The following RANBP2 variants were observed in gnomAD, a reference collection of about 807,000 sequenced individuals.
The protein encoded by RANBP2 is E3 SUMO-protein ligase RanBP2.
In RANBP2, 57 loss-of-function variants were observed where a neutral mutation model predicts 303.6. The ratio of observed to expected loss-of-function variants is 0.19; its 90% CI spans 0.15 to 0.23. The LOEUF (loss-of-function observed/expected upper bound fraction) is 0.23, where lower values mean the gene tolerates loss of function less well. Among genes scored for constraint, RANBP2 ranks in the 10% least tolerant of loss-of-function variants. RANBP2 has a pLI of 1.00. For synonymous variants in RANBP2, 1,167 were observed against 1,301.5 expected, an observed-to-expected ratio of 0.90 and a Z score of 2.23; for missense variants, 3,138 against 3,780.8, an observed-to-expected ratio of 0.83 and a Z score of 4.46.
the RANBP2 span, among the ~76,000 whole-genome samples, chr2:109,493,952 C>T: frequency 6.7e-4 from 102 of 152,296 alleles, no homozygotes; most frequent in African/African-American, 2.3e-3. Context: ...GAGTCTCCTC[C>T]GCATCAGAAC....
chr2:109,735,872 T>C, the RANBP2 span, among the ~76,000 whole-genome samples: 1 of 152,158 alleles, frequency 6.6e-6, no homozygotes, highest in South Asian at 2.1e-4. Flanking sequence ...GCAATTCCGC[T>C]TCAGAGAAAT....
chr2:108,982,109 G>T, the RANBP2 span, among the ~76,000 whole-genome samples: 1 of 152,172 alleles, frequency 6.6e-6, no homozygotes, highest in African/African-American at 2.4e-5. Context: ...TCCTTTCAAT[G>T]CTTTAGGCCA....
At chr2:109,594,363 G>A in the RANBP2 span, among the ~76,000 whole-genome samples, 7 of 152,186 alleles carry the variant, frequency 4.6e-5, no homozygotes, top group South Asian at 8.3e-4. Context: ...CGCTCTTCCC[G>A]AGAGGCACCA....
the RANBP2 span, chr2:109,502,026 T>G: frequency 4.4e-6 from 1 of 225,716 alleles, no homozygotes; most frequent in African/African-American, 2.2e-5. Context: ...GGTTGGAGGT[T>G]GCAGGAGGTC....
chr2:109,290,705 G>A, the RANBP2 span, among the ~76,000 whole-genome samples: 4 of 152,188 alleles, frequency 2.6e-5, no homozygotes, highest in African/African-American at 9.7e-5. Context: ...CCTGACTGCT[G>A]CACCTGCCCA....
the RANBP2 span, among the ~76,000 whole-genome samples, chr2:109,280,171 A>G: frequency 1.3e-5 from 2 of 152,156 alleles, no homozygotes. Context: ...GCTGACATCT[A>G]TAATTAATGT....
the RANBP2 span, among the ~76,000 whole-genome samples, chr2:108,980,594 G>A: frequency 6.6e-6 from 1 of 152,124 alleles, no homozygotes; most frequent in East Asian, 1.9e-4. Context: ...ATGGATAAAG[G>A]TAAAACAGGA....
chr2:109,448,096 G>T, the RANBP2 span, among the ~76,000 whole-genome samples: 1 of 152,258 alleles, frequency 6.6e-6, no homozygotes, highest in East Asian at 1.9e-4. Flanking sequence ...GACATACCCA[G>T]TGTGGAAACC....
the RANBP2 span, among the ~76,000 whole-genome samples, chr2:109,143,232 CAA>C: frequency 6.6e-6 from 1 of 152,036 alleles, no homozygotes; most frequent in African/African-American, 2.4e-5. Context: ...CATTTGGAAA[CAA>C]ATTTAAATAA....
chr2:108,773,611 G>GATTCA (rs1677662596), intron 23 of RANBP2, among the ~76,000 whole-genome samples: 1 of 150,822 alleles, frequency 6.6e-6, no homozygotes, highest in Non-Finnish European at 1.5e-5. Context: ...TTGATCTATA[G>GATTCA]ATTTAACACA....
the RANBP2 span, among the ~76,000 whole-genome samples, chr2:108,980,823 G>C: frequency 6.6e-6 from 1 of 152,134 alleles, no homozygotes; most frequent in Non-Finnish European, 1.5e-5. Flanking sequence ...TGGCCAACCT[G>C]GCACCATACT....
the RANBP2 span, among the ~76,000 whole-genome samples, chr2:108,796,819 G>C: frequency 6.6e-6 from 1 of 152,170 alleles, no homozygotes. Context: ...CAGAGGCTGG[G>C]AGGGGAAGGG....
At chr2:108,916,449 G>A in the RANBP2 span, among the ~76,000 whole-genome samples, 1 of 152,138 alleles carries the variant, frequency 6.6e-6, no homozygotes, top group Admixed American at 6.5e-5. Context: ...AGCCCTGCAG[G>A]GCTGGTTACA....
At chr2:109,649,748 G>T in the RANBP2 span, among the ~76,000 whole-genome samples, 1 of 152,170 alleles carries the variant, frequency 6.6e-6, no homozygotes, top group African/African-American at 2.4e-5. Context: ...TGTAAAGCAT[G>T]TGATTACTTC....
the RANBP2 span, among the ~76,000 whole-genome samples, chr2:109,387,861 G>C: frequency 6.7e-3 from 873 of 131,110 alleles, 8 homozygotes; most frequent in South Asian, 0.043. Flanking sequence ...AGATGGTTGG[G>C]GGGGGGGTCT....
chr2:109,039,323 C>G, the RANBP2 span, among the ~76,000 whole-genome samples: 2 of 152,170 alleles, frequency 1.3e-5, no homozygotes, highest in Admixed American at 6.5e-5. Context: ...TTCTGTTTCT[C>G]CAGCAAGCCC....
At chr2:108,893,913 A>G in the RANBP2 span, among the ~76,000 whole-genome samples, 1 of 152,214 alleles carries the variant, frequency 6.6e-6, no homozygotes, top group Non-Finnish European at 1.5e-5. Context: ...ATAGTTTACT[A>G]TGGCACATGT....
At chr2:108,922,750 C>G in the RANBP2 span, among the ~76,000 whole-genome samples, 18 of 152,244 alleles carry the variant, frequency 1.2e-4, 1 homozygote, top group South Asian at 3.7e-3. Context: ...TCCTACCTGC[C>G]TCCGTCTCTC....
the RANBP2 span, among the ~76,000 whole-genome samples, chr2:109,061,862 A>G: frequency 6.6e-6 from 1 of 152,186 alleles, no homozygotes; most frequent in African/African-American, 2.4e-5. Context: ...GGTGATGCCC[A>G]TCCAGTGTGG....
Sources: gnomAD v4.1 joint callset for allele counts (sites outside exome capture counted in the v4.1 genomes callset) on GRCh38, gnomAD v4.1.1 for gene constraint, MANE v1.5 for transcripts, NCBI Gene and HGNC (gene_info 2026-07-23, HGNC 2026-07-21) for gene names.